WDR7: variants seen among roughly 807,000 people sequenced by gnomAD.
The protein encoded by WDR7 is WD repeat domain 7, also known as WD repeat-containing protein 7.
A neutral mutation model predicts 169.4 loss-of-function variants in WDR7; 46 were observed. That is an observed-to-expected ratio of 0.27 (90% CI 0.21 to 0.35). The LOEUF (loss-of-function observed/expected upper bound fraction) is 0.35. Among genes scored for constraint, WDR7 ranks in the 10% least tolerant of loss-of-function variants. WDR7 has a pLI of 1.00. For missense variants in WDR7, 1,534 were observed against 1,859.3 expected, an observed-to-expected ratio of 0.83 and a Z score of 3.22; for synonymous variants, 612 against 666.8, an observed-to-expected ratio of 0.92 and a Z score of 1.27.
intron 5 of WDR7, 77 bp from the exon 6 acceptor site, chr18:56,685,879 A>G (rs2025433006): frequency 1.7e-6 from 2 of 1,172,684 alleles, no homozygotes; most frequent in Non-Finnish European, 2.4e-6. Flanking sequence ...ATTTTATTCA[A>G]GCAAAACATC....
At chr18:56,761,305 T>C (rs963279419) in intron 16 of WDR7, among the ~76,000 whole-genome samples, 1 of 152,234 alleles carries the variant, frequency 6.6e-6, no homozygotes, top group Admixed American at 6.5e-5. Context: ...CCATTGCATC[T>C]GGCCAATAAA....
intron 3 of WDR7, among the ~76,000 whole-genome samples, chr18:56,679,913 G>A (rs2025320218): frequency 6.6e-6 from 1 of 152,120 alleles, no homozygotes; most frequent in South Asian, 2.1e-4. Flanking sequence ...TAGAGAGGCA[G>A]GTCATTGAAC....
At chr18:56,906,202 A>G (rs7237190) in intron 21 of WDR7, among the ~76,000 whole-genome samples, 1,630 of 152,302 alleles carry the variant, frequency 0.011, 34 homozygotes, top group African/African-American at 0.035. Context: ...TACAAAGGCT[A>G]GAAAACACTT....
chr18:56,992,110 C>G (rs1294862839), intron 26 of WDR7, among the ~76,000 whole-genome samples: 1 of 152,176 alleles, frequency 6.6e-6, no homozygotes, highest in Non-Finnish European at 1.5e-5. Flanking sequence ...CAAATAACAA[C>G]TTCCTTTTTC....
In WDR7 at chr18:56,682,069, A is replaced by C. The variant is rs545291382; in HGVS notation, c.346-610A>C. On this transcript the variant is annotated intron_variant, in intron 4 of 27. Transcript: ENST00000254442. ...ATGGGAAAGGAAGAGAAGGTAACTC[A>C]CATTTATTGAGCAGATACAGTGTAG... Among the ~76,000 whole-genome samples the C allele has an allele frequency of 4.6e-5, 7 of 152,334 alleles. No individual in the cohort carries two copies. In the South Asian group the frequency reaches 1.4e-3, roughly 32 times the overall value.
chr18:56,693,561 G>GTTTTTTTTTTTTTTTT (rs1257964211), intron 9 of WDR7, among the ~76,000 whole-genome samples: 1 of 98,756 alleles, frequency 1.0e-5, no homozygotes, highest in Non-Finnish European at 2.0e-5. Flanking sequence ...AATTTTGTTG[G>GTTTTTTTTTTTTTTTT]TTTTTTTTTT....
At chr18:56,689,648 T>C (rs1312497452) in intron 7 of WDR7, among the ~76,000 whole-genome samples, 1 of 152,218 alleles carries the variant, frequency 6.6e-6, no homozygotes, top group African/African-American at 2.4e-5. Context: ...TTTATTTTTA[T>C]GTCAGATGGA....
intron 20 of WDR7, among the ~76,000 whole-genome samples, chr18:56,842,701 A>G (rs2145332654): frequency 6.6e-6 from 1 of 152,302 alleles, no homozygotes; most frequent in African/African-American, 2.4e-5. Flanking sequence ...TCTCTTACAC[A>G]CACACACACA....
chr18:57,007,245 C>T (rs2048074170), intron 26 of WDR7, among the ~76,000 whole-genome samples: 1 of 152,174 alleles, frequency 6.6e-6, no homozygotes, highest in Non-Finnish European at 1.5e-5. Flanking sequence ...TCCCAAAGTG[C>T]TGGGATTACA....
At chr18:57,030,285 C>T (rs951381215), downstream of WDR7, 2 of 152,182 alleles carry the variant, frequency 1.3e-5, no homozygotes, top group Non-Finnish European at 2.9e-5. Context: ...GAATGTACTT[C>T]TTGTCTCTTA....
At chr18:56,995,130 A>G (rs1417453363) in intron 26 of WDR7, among the ~76,000 whole-genome samples, 2 of 152,216 alleles carry the variant, frequency 1.3e-5, no homozygotes, top group African/African-American at 4.8e-5. Flanking sequence ...AAGGATATTA[A>G]ATTCTGAAAG....
At chr18:56,934,601 G>T (rs1051405736) in intron 22 of WDR7, among the ~76,000 whole-genome samples, 2 of 152,078 alleles carry the variant, frequency 1.3e-5, no homozygotes, top group Admixed American at 1.3e-4. Context: ...ATCAGTCAGA[G>T]ATTTAAGCAG....
intron 20 of WDR7, among the ~76,000 whole-genome samples, chr18:56,821,117 T>C (rs1421390655): frequency 1.3e-5 from 2 of 152,094 alleles, no homozygotes; most frequent in African/African-American, 4.8e-5. Flanking sequence ...TTGAATAAAA[T>C]AGGCAATCAC....
chr18:56,874,308 GT>G (rs910564386), intron 20 of WDR7, among the ~76,000 whole-genome samples: 10 of 151,936 alleles, frequency 6.6e-5, no homozygotes, highest in African/African-American at 1.2e-4. Flanking sequence ...CATTTAGGTG[GT>G]TTTTTTCCCC....
chr18:56,940,522 G>T (rs1045598467), intron 25 of WDR7, among the ~76,000 whole-genome samples: 1 of 152,174 alleles, frequency 6.6e-6, no homozygotes, highest in Non-Finnish European at 1.5e-5. Context: ...TGGCAAATTA[G>T]AATACAGCCG....
chr18:57,002,017 C>A (rs1286972081), intron 26 of WDR7, among the ~76,000 whole-genome samples: 1 of 152,090 alleles, frequency 6.6e-6, no homozygotes, highest in Non-Finnish European at 1.5e-5. Context: ...GCAGTCATTA[C>A]TTTTGGAGTT....
chr18:56,920,036 C>T (rs930490833), intron 21 of WDR7, among the ~76,000 whole-genome samples: 5 of 152,104 alleles, frequency 3.3e-5, no homozygotes, highest in Admixed American at 2.6e-4. Context: ...CACTGTTACA[C>T]TTCATCCCCC....
chr18:56,997,490 A>G (rs765165494), intron 26 of WDR7, among the ~76,000 whole-genome samples: 2 of 152,332 alleles, frequency 1.3e-5, no homozygotes, highest in East Asian at 3.9e-4. Context: ...AAAGTGAAAT[A>G]CAGAGTTATG....
intron 21 of WDR7, among the ~76,000 whole-genome samples, chr18:56,896,542 T>C (rs2046334425): frequency 1.3e-5 from 2 of 151,850 alleles, no homozygotes; most frequent in Non-Finnish European, 3.0e-5. Flanking sequence ...CATACATGCA[T>C]AGGAATTTGA....
Sources: gnomAD v4.1 joint callset for allele counts (sites outside exome capture counted in the v4.1 genomes callset) on GRCh38, gnomAD v4.1.1 for gene constraint, MANE v1.5 for transcripts, NCBI Gene and HGNC (gene_info 2026-07-23, HGNC 2026-07-21) for gene names.